SLC38A12: variants seen among roughly 807,000 people sequenced by gnomAD.
SLC38A12 encodes the protein putative sodium-coupled neutral amino acid transporter 12.
At chr17:74,823,572 T>C in the SLC38A12 span, among the ~76,000 whole-genome samples, 1 of 152,360 alleles carries the variant, frequency 6.6e-6, no homozygotes, top group South Asian at 2.1e-4. Flanking sequence ...TTTCTTGTGC[T>C]CCCCAAATAA....
the SLC38A12 span, among the ~76,000 whole-genome samples, chr17:74,816,761 C>T: frequency 3.3e-5 from 5 of 151,856 alleles, no homozygotes; most frequent in Middle Eastern, 3.2e-3. Flanking sequence ...CTACAAGAGT[C>T]CTTGAGCAGA....
At chr17:74,839,063 C>G in the SLC38A12 span, 4 of 1,535,470 alleles carry the variant, frequency 2.6e-6, no homozygotes, top group African/African-American at 5.5e-5. Context: ...AGTAAACTTT[C>G]TTTGCCTCCC....
At chr17:74,809,086 G>A in the SLC38A12 span, among the ~76,000 whole-genome samples, 161 of 152,258 alleles carry the variant, frequency 1.1e-3, no homozygotes, top group African/African-American at 3.6e-3. Flanking sequence ...CCAGAGCTCC[G>A]GTAAAGATAG....
the SLC38A12 span, among the ~76,000 whole-genome samples, chr17:74,834,132 C>T: frequency 1.1e-4 from 17 of 152,250 alleles, no homozygotes; most frequent in East Asian, 3.3e-3. Context: ...TACCCACCCG[C>T]AGAAATCTCT....
the SLC38A12 span, among the ~76,000 whole-genome samples, chr17:74,797,865 C>T: frequency 3.9e-5 from 6 of 152,178 alleles, no homozygotes; most frequent in African/African-American, 7.2e-5. Context: ...TATCCCTGTG[C>T]GTCTTTGTAA....
At chr17:74,788,774 A>C in the SLC38A12 span, 8 of 1,611,534 alleles carry the variant, frequency 5.0e-6, no homozygotes, top group Non-Finnish European at 5.9e-6. Flanking sequence ...GGCGCTGGGC[A>C]CTCGGCCCCC....
chr17:74,799,083 TGCA>T, the SLC38A12 span, among the ~76,000 whole-genome samples: 1 of 152,268 alleles, frequency 6.6e-6, no homozygotes, highest in East Asian at 1.9e-4. Context: ...TCCTTATTCC[TGCA>T]TCACCTCCCA....
At chr17:74,803,645 T>G in the SLC38A12 span, among the ~76,000 whole-genome samples, 1 of 152,186 alleles carries the variant, frequency 6.6e-6, no homozygotes, top group East Asian at 1.9e-4. Context: ...AAAAACCCGG[T>G]GTGCCTCACT....
the SLC38A12 span, among the ~76,000 whole-genome samples, chr17:74,815,035 G>A: frequency 6.6e-6 from 1 of 152,178 alleles, no homozygotes; most frequent in Non-Finnish European, 1.5e-5. Flanking sequence ...GCCAGCAGGA[G>A]GGTGAAGGCA....
the SLC38A12 span, among the ~76,000 whole-genome samples, chr17:74,816,792 A>G: frequency 2.0e-5 from 3 of 152,106 alleles, no homozygotes; most frequent in African/African-American, 7.2e-5. Context: ...GAACTGATCA[A>G]TGGCATTTGG....
At chr17:74,837,876 C>G in the SLC38A12 span, 2 of 985,870 alleles carry the variant, frequency 2.0e-6, no homozygotes, top group Non-Finnish European at 2.4e-6. Flanking sequence ...TGGCTTGCCC[C>G]CAGCCCTGGG....
At chr17:74,789,962 T>C in the SLC38A12 span, among the ~76,000 whole-genome samples, 1 of 148,958 alleles carries the variant, frequency 6.7e-6, no homozygotes, top group Non-Finnish European at 1.5e-5. Flanking sequence ...TTTGTTTTTT[T>C]GTTTTTTTGA....
At chr17:74,789,593 C>T in the SLC38A12 span, among the ~76,000 whole-genome samples, 1 of 151,140 alleles carries the variant, frequency 6.6e-6, no homozygotes, top group Non-Finnish European at 1.5e-5. Flanking sequence ...TGCCTGCAAT[C>T]CCAGCACTTT....
the SLC38A12 span, among the ~76,000 whole-genome samples, chr17:74,818,390 GCCC>G: frequency 6.6e-6 from 1 of 152,200 alleles, no homozygotes; most frequent in African/African-American, 2.4e-5. Context: ...GCCTTCTCTA[GCCC>G]AGCTAATTAG....
At chr17:74,831,913 G>C in the SLC38A12 span, among the ~76,000 whole-genome samples, 3 of 152,242 alleles carry the variant, frequency 2.0e-5, no homozygotes, top group Non-Finnish European at 4.4e-5. Context: ...CGCGCATCCT[G>C]GCAGGGTCTC....
chr17:74,805,684 T>G, the SLC38A12 span, among the ~76,000 whole-genome samples: 1 of 152,242 alleles, frequency 6.6e-6, no homozygotes, highest in Non-Finnish European at 1.5e-5. The surrounding 1 kb of genome is among the most constrained non-coding windows in gnomAD (Gnocchi z 5.0). Context: ...TGGAGCCAGC[T>G]GGGCCTGTGC....
chr17:74,787,776 C>T, the SLC38A12 span, among the ~76,000 whole-genome samples: 1 of 149,598 alleles, frequency 6.7e-6, no homozygotes, highest in Non-Finnish European at 1.5e-5. Flanking sequence ...TTCCAGCTGT[C>T]ATCTAGGTCT....
the SLC38A12 span, among the ~76,000 whole-genome samples, chr17:74,796,086 CT>C: frequency 2.0e-5 from 3 of 152,182 alleles, no homozygotes; most frequent in African/African-American, 7.2e-5. Flanking sequence ...GCCCAGCTCT[CT>C]TCCTATCTTC....
the SLC38A12 span, among the ~76,000 whole-genome samples, chr17:74,812,117 G>A: frequency 6.6e-6 from 1 of 151,954 alleles, no homozygotes; most frequent in Non-Finnish European, 1.5e-5. Flanking sequence ...TTCCCCCACC[G>A]AGATGTTTGG....
Sources: allele counts gnomAD v4.1 joint callset (sites outside exome capture counted in the v4.1 genomes callset), GRCh38; gene constraint gnomAD v4.1.1; non-coding constraint Gnocchi (gnomAD v3.1); transcripts MANE v1.5; gene names NCBI Gene and HGNC (gene_info 2026-07-23, HGNC 2026-07-21).